TDRD12: variants seen among roughly 807,000 people sequenced by gnomAD.
The protein encoded by TDRD12 is putative ATP-dependent RNA helicase TDRD12.
In TDRD12, 158 loss-of-function variants were observed where a neutral mutation model predicts 133.5. That is an observed-to-expected ratio of 1.18 (90% CI 1.04 to 1.35). The LOEUF (loss-of-function observed/expected upper bound fraction) is 1.35. TDRD12 is among the 40% of genes most tolerant of loss of function. The pLI is 0.00. For missense variants in TDRD12, 1,443 were observed against 1,321.3 expected, an observed-to-expected ratio of 1.09 and a Z score of -1.43; for synonymous variants, 460 against 477.9, an observed-to-expected ratio of 0.96 and a Z score of 0.49.
At chr19:32,757,092 G>A (rs1293493424) in exon 8 of TDRD12, 1 of 1,551,816 alleles carries the variant, frequency 6.4e-7, no homozygotes, top group Admixed American at 2.0e-5. Flanking sequence ...TGGTGCAAGG[G>A]TATTGTCGGT....
intron 11 of TDRD12, among the ~76,000 whole-genome samples, chr19:32,778,665 A>G (rs1798718247): frequency 6.6e-6 from 1 of 151,866 alleles, no homozygotes; most frequent in South Asian, 2.1e-4. Context: ...ACGTCCAGCT[A>G]ATTTTTGTAT....
At chr19:32,751,707 G>A (rs1969833303) in intron 6 of TDRD12, among the ~76,000 whole-genome samples, 2 of 152,020 alleles carry the variant, frequency 1.3e-5, no homozygotes, top group African/African-American at 4.8e-5. Context: ...AACTTCACAA[G>A]TAGCTGAGAC....
At position 32,795,722 on chromosome 19, in the gene TDRD12, ATGGTTCT is replaced by A. The variant is rs1280407341; in HGVS notation, c.1473+910_1473+916del. On this transcript the variant is annotated intron_variant, in intron 14 of 27. Coordinates refer to ENST00000444215, the Ensembl canonical transcript of TDRD12. ...TAAAGAAGAGAGGCTTAACTGGCTC[ATGGTTCT>A]GCAGGCTGGAGCGGAAGCATGATGC... Among the ~76,000 whole-genome samples, 3 of 152,240 alleles carry A rather than the reference ATGGTTCT, an allele frequency of 2.0e-5. No individual in the cohort carries two copies. In the East Asian group the frequency reaches 5.8e-4, roughly 29 times the overall value.
chr19:32,766,886 A>T (rs956482558), intron 8 of TDRD12, among the ~76,000 whole-genome samples: 3 of 151,912 alleles, frequency 2.0e-5, no homozygotes, highest in Non-Finnish European at 2.9e-5. Context: ...AAGTGCTGGG[A>T]TTACAGGCAC....
chr19:32,815,481 T>G, exon 26 of TDRD12: 1 of 1,536,474 alleles, frequency 6.5e-7, no homozygotes, highest in South Asian at 1.2e-5. Flanking sequence ...TTTAAAAACC[T>G]CTGTCATTGA....
chr19:32,819,003 G>A (rs1196355635), intron 27 of TDRD12, among the ~76,000 whole-genome samples: 2 of 152,062 alleles, frequency 1.3e-5, no homozygotes, highest in Non-Finnish European at 2.9e-5. Context: ...AGATTCCTAA[G>A]TTCAGCTGAA....
chr19:32,770,157 C>T (rs1054712321), intron 8 of TDRD12, among the ~76,000 whole-genome samples: 30 of 151,936 alleles, frequency 2.0e-4, no homozygotes, highest in Non-Finnish European at 4.1e-4. Context: ...AAGGCACGCA[C>T]CACCATGCCC....
intron 4 of TDRD12, among the ~76,000 whole-genome samples, chr19:32,744,695 T>A (rs1197276944): frequency 6.6e-6 from 1 of 152,036 alleles, no homozygotes; most frequent in Non-Finnish European, 1.5e-5. Context: ...GCGGGCGCCA[T>A]GTCTGCTGTC....
rs1381154578 is a variant in TDRD12 at position 32,731,727 on chromosome 19, T to A, written c.27T>A (p.Ile9=). The A allele has an allele frequency of 1.6e-5, 24 of 1,530,960 alleles. No homozygotes were observed. In the East Asian group the frequency reaches 5.2e-4, roughly 33 times the overall value. 94.8% of individuals were successfully genotyped at this position (1,530,960 alleles called of 1,614,324 possible). The stretch of plus-strand genomic sequence containing the variant: ...TTTGTCTTTTAAAAAATTTACAGAT[T>A]GAAGATCCAGGTTGCTTCTGGGTTA... Residue 9 remains isoleucine (I), a splice_region_variant and synonymous_variant, in exon 2 of 28, where the codon ATT becomes ATA. Coordinates refer to ENST00000444215, the Ensembl canonical transcript of TDRD12.
intron 11 of TDRD12, among the ~76,000 whole-genome samples, chr19:32,787,011 G>T (rs1267272127): frequency 6.6e-6 from 1 of 152,150 alleles, no homozygotes; most frequent in African/African-American, 2.4e-5. Context: ...AGACGTTCTG[G>T]TTTTTGGAAT....
At chr19:32,820,859 T>C (rs60864037) in intron 27 of TDRD12, 174 bp from the exon 28 acceptor site, 34,484 of 586,612 alleles carry the variant, frequency 0.059, 2,262 homozygotes, top group East Asian at 0.24. Flanking sequence ...CCATCATCCT[T>C]GTCGGAAGGA....
At chr19:32,771,749 T>G (rs761132672) in intron 8 of TDRD12, among the ~76,000 whole-genome samples, 2 of 152,230 alleles carry the variant, frequency 1.3e-5, no homozygotes, top group Non-Finnish European at 2.9e-5. Flanking sequence ...AAAAGGTTAA[T>G]TACCTGATAA....
rs554675734 is a variant in TDRD12 at position 32,777,907 on chromosome 19, C to T, written c.1121+678C>T. Among the ~76,000 whole-genome samples the T allele has an allele frequency of 2.2e-3, 246 of 109,532 alleles. 1 individual carries two copies. Among genetic ancestry groups the T allele is most frequent in the African/African-American group, 8.5e-3 (232 of 27,200 alleles). The allele number at this position is 109,532 out of a possible 152,430, so 71.9% of individuals were successfully genotyped here. The stretch of plus-strand genomic sequence containing the variant: ...TTTTTTTTTTGTAGGACGAGGGTCT[C>T]GCTATGTTACCCAGGCTGGTCTCAA... On this transcript the variant is annotated intron_variant, in intron 11 of 27. Transcript: ENST00000444215.
chr19:32,775,195 A>G (rs1970546537), intron 10 of TDRD12, among the ~76,000 whole-genome samples: 1 of 152,162 alleles, frequency 6.6e-6, no homozygotes, highest in Admixed American at 6.5e-5. Flanking sequence ...AAAGTCCCTG[A>G]GGCTCTGTTC....
At chr19:32,802,777 T>A in exon 20 of TDRD12, 1 of 1,536,778 alleles carries the variant, frequency 6.5e-7, no homozygotes, top group Non-Finnish European at 8.7e-7. Flanking sequence ...CTGATCATTT[T>A]CACGCTGAAC....
chr19:32,773,043 T>G (rs1180510634), intron 9 of TDRD12, among the ~76,000 whole-genome samples, 193 bp downstream of exon 9: 1 of 152,244 alleles, frequency 6.6e-6, no homozygotes, highest in East Asian at 1.9e-4. Flanking sequence ...TCCAGCTTCT[T>G]CATGTCGAGC....
At chr19:32,813,834 C>T (rs1024167372) in intron 25 of TDRD12, 58 bp downstream of exon 25, 8 of 1,009,474 alleles carry the variant, frequency 7.9e-6, no homozygotes, top group Non-Finnish European at 1.2e-5. Context: ...TAAAATTATC[C>T]AGATTATTCT....
chr19:32,733,097 GGGA>G (rs1327699578), intron 2 of TDRD12, among the ~76,000 whole-genome samples: 1 of 152,182 alleles, frequency 6.6e-6, no homozygotes, highest in Non-Finnish European at 1.5e-5. Context: ...ACTTGAGCCT[GGGA>G]GGTAATAGCT....
chr19:32,723,883 G>A (rs1011517974), intron 1 of TDRD12, among the ~76,000 whole-genome samples: 5 of 151,868 alleles, frequency 3.3e-5, no homozygotes, highest in Admixed American at 2.0e-4. Flanking sequence ...AAAGACACAG[G>A]GTCTTGCTTT....
Sources: gnomAD v4.1 joint callset for allele counts (sites outside exome capture counted in the v4.1 genomes callset) on GRCh38, gnomAD v4.1.1 for gene constraint, MANE v1.5 for transcripts, NCBI Gene and HGNC (gene_info 2026-07-23, HGNC 2026-07-21) for gene names.